LMCD1: variants seen among roughly 807,000 people sequenced by gnomAD.
LMCD1 encodes LIM and cysteine-rich domains protein 1.
In LMCD1, 32 loss-of-function variants were observed where a neutral mutation model predicts 42.7. The ratio of observed to expected loss-of-function variants is 0.75; its 90% CI spans 0.57 to 1.01. The LOEUF (loss-of-function observed/expected upper bound fraction) is 1.01. LMCD1 is among the 50% of genes least tolerant of loss of function. The pLI, the probability that LMCD1 is intolerant of heterozygous loss-of-function variation, is 0.00. For synonymous variants in LMCD1, 178 were observed against 184.9 expected, an observed-to-expected ratio of 0.96 and a Z score of 0.30; for missense variants, 458 against 483.1, an observed-to-expected ratio of 0.95 and a Z score of 0.49.
At chr3:8,535,343 CCTT>C (rs1193992969) in intron 2 of LMCD1, among the ~76,000 whole-genome samples, 24 of 152,130 alleles carry the variant, frequency 1.6e-4, no homozygotes, top group Middle Eastern at 6.8e-3. Flanking sequence ...AGAAGGAAAA[CCTT>C]CTCATTTATT....
At chr3:8,509,137 T>C (rs1396396275) in intron 1 of LMCD1, among the ~76,000 whole-genome samples, 1 of 152,220 alleles carries the variant, frequency 6.6e-6, no homozygotes, top group African/African-American at 2.4e-5. Flanking sequence ...TAATATACCC[T>C]TGATAAACAT....
rs73127922 is a variant in LMCD1 at position 8,504,215 on chromosome 3, G to C, written c.42+2235G>C. Among the ~76,000 whole-genome samples the C allele has an allele frequency of 7.2e-3, 1,098 of 152,266 alleles. 19 individuals are homozygous for C. The highest frequency in any genetic ancestry group is 0.025 in the African/African-American group (1,047 of 41,568). ...AATGTGGAGGGGAGGGAGGAGAGCC[G>C]AGAAGCTCCCCTTGCTGAACTGAAT... On this transcript the variant is annotated intron_variant, in intron 1 of 5. Coordinates refer to ENST00000157600, the MANE Select transcript of LMCD1 (RefSeq NM_014583.4).
At chr3:8,521,435 G>A (rs1694203184) in intron 1 of LMCD1, among the ~76,000 whole-genome samples, 1 of 152,204 alleles carries the variant, frequency 6.6e-6, no homozygotes, top group African/African-American at 2.4e-5. Context: ...AGATAAAAGA[G>A]AGATCCTGTG....
chr3:8,520,500 A>C (rs146845933), intron 1 of LMCD1, among the ~76,000 whole-genome samples: 256 of 152,234 alleles, frequency 1.7e-3, no homozygotes, highest in African/African-American at 5.8e-3. Flanking sequence ...GCAGGGTGGG[A>C]GGGGAGTAAG....
intron 3 of LMCD1, among the ~76,000 whole-genome samples, chr3:8,538,581 C>CTGG (rs1694555007): frequency 6.6e-6 from 1 of 152,220 alleles, no homozygotes; most frequent in Non-Finnish European, 1.5e-5. Context: ...TGCTAGAACA[C>CTGG]ACCAAGCTCC....
In LMCD1 at chr3:8,570,414, C is replaced by T. The variant is rs903845294; in HGVS notation, c.*2816C>T. Reference sequence around the variant, plus strand: ...ATGATTGACTTGGTCCACTGGGTCACACCATCATGGATGGGCATTATCTCC... The same window carrying T: ...ATGATTGACTTGGTCCACTGGGTCATACCATCATGGATGGGCATTATCTCC... On this transcript the variant is annotated 3_prime_UTR_variant, in exon 6 of 6. Coordinates refer to ENST00000157600, the MANE Select transcript of LMCD1 (RefSeq NM_014583.4). 1 of 142,996 alleles carries T rather than the reference C, an allele frequency of 7.0e-6. No homozygotes were observed. The highest frequency in any genetic ancestry group is 1.5e-5 in the Non-Finnish European group (1 of 67,384). 8.9% of individuals were successfully genotyped at this position (142,996 alleles called of 1,614,324 possible).
rs975158669 is a variant in LMCD1, at chr3:8,503,955, C to T, written c.42+1975C>T. The stretch of plus-strand genomic sequence containing the variant: ...GAAGCCTTGTTTTTATTTTCCTTTG[C>T]ATAGGGGAGTGTGATTATCCTGATT... On this transcript the variant is annotated intron_variant, in intron 1 of 5. Transcript: ENST00000157600. Among the ~76,000 whole-genome samples, 4 of 152,310 alleles carry T rather than the reference C, an allele frequency of 2.6e-5. No individual in the cohort carries two copies. The South Asian group carries it at 6.2e-4, about 24-fold the overall frequency.
chr3:8,502,298 A>T (rs1391159956), intron 1 of LMCD1, among the ~76,000 whole-genome samples: 18 of 23,888 alleles, frequency 7.5e-4, no homozygotes, highest in African/African-American at 3.3e-3. Flanking sequence ...AATATATATT[A>T]TATATAATAT....
rs1414904559 is a variant in LMCD1 at position 8,572,832 on chromosome 3, T to G, written c.*5234T>G. ...CACAATAACGTGCTACATACCCATC[T>G]TGTATTTTTCCTGCCCCATCTTTGA... On this transcript the variant is annotated 3_prime_UTR_variant, in exon 6 of 6. Coordinates refer to ENST00000157600, the MANE Select transcript of LMCD1 (RefSeq NM_014583.4). 1 of 152,220 alleles carries G rather than the reference T, an allele frequency of 6.6e-6. No individual in the cohort carries two copies. The highest frequency in any genetic ancestry group is 1.9e-4 in the East Asian group (1 of 5,198). The allele number at this position is 152,220 out of a possible 1,614,324, so 9.4% of individuals were successfully genotyped here. A position where few individuals can be genotyped will look rare whatever the true frequency, so the allele number is the denominator to read the frequency against.
intron 1 of LMCD1, among the ~76,000 whole-genome samples, chr3:8,529,328 A>G (rs1420904828): frequency 1.3e-5 from 2 of 152,144 alleles, no homozygotes; most frequent in Non-Finnish European, 2.9e-5. Flanking sequence ...ACCTGAATCA[A>G]TTTCTTCCTT....
intron 4 of LMCD1, chr3:8,550,565 T>A (rs1694822826): frequency 1.0e-6 from 1 of 985,130 alleles, no homozygotes; most frequent in Admixed American, 6.2e-5. Flanking sequence ...ACCAAGAAAC[T>A]GTTTTATCTG....
chr3:8,541,740 T>A (rs1235015214), intron 3 of LMCD1, among the ~76,000 whole-genome samples: 1 of 152,196 alleles, frequency 6.6e-6, no homozygotes, highest in Non-Finnish European at 1.5e-5. Flanking sequence ...GAGATTCTGT[T>A]TCAGAGTCAG....
chr3:8,521,959 AACC>A (rs1343454528), intron 1 of LMCD1, among the ~76,000 whole-genome samples: 1 of 151,934 alleles, frequency 6.6e-6, no homozygotes, highest in Non-Finnish European at 1.5e-5. Context: ...ACAGTTTTAG[AACC>A]ACCACCATCA....
intron 3 of LMCD1, among the ~76,000 whole-genome samples, chr3:8,544,197 G>A (rs768266135): frequency 2.6e-5 from 4 of 152,048 alleles, no homozygotes; most frequent in Non-Finnish European, 4.4e-5. Flanking sequence ...TTCTCATGAC[G>A]GTCAGAACCC....
In LMCD1 at chr3:8,565,423, T is replaced by A; in HGVS notation, c.724-9T>A. Reference sequence around the variant, plus strand: ...CCTTGTCTCCTATGGTCCTTCCCCATCCTTCCAGGTCTGCGAGCTCTGCAA... The same window carrying A: ...CCTTGTCTCCTATGGTCCTTCCCCAACCTTCCAGGTCTGCGAGCTCTGCAA... On this transcript the variant is annotated splice_polypyrimidine_tract_variant and intron_variant, in intron 4 of 5. Coordinates refer to ENST00000157600, the MANE Select transcript of LMCD1 (RefSeq NM_014583.4). The A allele has an allele frequency of 1.2e-6, 2 of 1,611,058 alleles. No homozygotes were observed. Among genetic ancestry groups the A allele is most frequent in the Non-Finnish European group, 1.7e-6 (2 of 1,177,334 alleles).
At chr3:8,547,835 G>A (rs1443506688) in intron 3 of LMCD1, among the ~76,000 whole-genome samples, 6 of 151,306 alleles carry the variant, frequency 4.0e-5, no homozygotes, top group South Asian at 2.1e-4. Flanking sequence ...GCAGTGAGCC[G>A]AGATCACACC....
At chr3:8,551,038 A>C in intron 4 of LMCD1, 1 of 985,462 alleles carries the variant, frequency 1.0e-6, no homozygotes, top group Non-Finnish European at 1.2e-6. Context: ...GTAAATGGAA[A>C]AGGCCAAAGT....
At chr3:8,558,426 C>T (rs1028653103) in intron 4 of LMCD1, among the ~76,000 whole-genome samples, 3 of 152,252 alleles carry the variant, frequency 2.0e-5, no homozygotes, top group Non-Finnish European at 4.4e-5. Flanking sequence ...CAACACTTTA[C>T]TGGCACAGGA....
intron 4 of LMCD1, chr3:8,550,850 A>G: frequency 1.0e-6 from 1 of 985,204 alleles, no homozygotes; most frequent in Non-Finnish European, 1.2e-6. Flanking sequence ...GCATTTCCAA[A>G]TCGCCATTCC....
Sources: allele counts gnomAD v4.1 joint callset (sites outside exome capture counted in the v4.1 genomes callset), GRCh38; gene constraint gnomAD v4.1.1; transcripts MANE v1.5; gene names NCBI Gene and HGNC (gene_info 2026-07-23, HGNC 2026-07-21).